FGD4: variants seen among roughly 807,000 people sequenced by gnomAD.
FGD4 encodes FYVE, RhoGEF and PH domain-containing protein 4.
Under a neutral mutation model 102.0 loss-of-function variants are expected in FGD4, and 42 were observed. The ratio of observed to expected loss-of-function variants is 0.41; its 90% CI spans 0.32 to 0.53. The LOEUF (loss-of-function observed/expected upper bound fraction) is 0.53. FGD4 is among the 20% of genes least tolerant of loss of function. The pLI, the probability that FGD4 is intolerant of heterozygous loss-of-function variation, is 0.21. For synonymous variants in FGD4, 380 were observed against 375.7 expected (o/e 1.01, Z -0.13); for missense variants, 902 against 1,078.2 (o/e 0.84, Z 2.29).
chr12:32,607,195 T>C (rs1459735523), intron 7 of FGD4, among the ~76,000 whole-genome samples: 1 of 152,240 alleles, frequency 6.6e-6, no homozygotes, highest in Non-Finnish European at 1.5e-5. Flanking sequence ...AAATTCTGCT[T>C]GATTTTTTTT....
At chr12:32,636,288 A>G (rs1826748108) in intron 15 of FGD4, among the ~76,000 whole-genome samples, 1 of 152,144 alleles carries the variant, frequency 6.6e-6, no homozygotes, top group South Asian at 2.1e-4. Context: ...CTATAATCCT[A>G]GCACCAAGGC....
chr12:32,604,107 C>G (rs1437935681), intron 7 of FGD4, among the ~76,000 whole-genome samples: 3 of 152,166 alleles, frequency 2.0e-5, no homozygotes, highest in Non-Finnish European at 4.4e-5. Flanking sequence ...TGATGAGTCA[C>G]TTTTCTCTTG....
At chr12:32,480,713 A>C (rs182655843) in intron 1 of FGD4, among the ~76,000 whole-genome samples, 2,463 of 149,596 alleles carry the variant, frequency 0.016, 24 homozygotes, top group Non-Finnish European at 0.02. Flanking sequence ...GTTGGCCAGG[A>C]TGCTCTTGCT....
At chr12:32,547,539 T>C (rs2136170370) in intron 1 of FGD4, among the ~76,000 whole-genome samples, 1 of 152,396 alleles carries the variant, frequency 6.6e-6, no homozygotes, top group African/African-American at 2.4e-5. Context: ...CATAGTATTC[T>C]TGAGTGGAGT....
intron 1 of FGD4, among the ~76,000 whole-genome samples, chr12:32,525,179 G>T (rs147911875): frequency 6.6e-6 from 1 of 152,264 alleles, no homozygotes; most frequent in Non-Finnish European, 1.5e-5. Context: ...CAGAATGAGG[G>T]TTTTGTGACC....
chr12:32,596,641 A>C (rs1947914910), intron 4 of FGD4, among the ~76,000 whole-genome samples: 1 of 152,026 alleles, frequency 6.6e-6, no homozygotes, highest in Non-Finnish European at 1.5e-5. Flanking sequence ...GTCCTGGAGA[A>C]GTACATGGAA....
In FGD4 at chr12:32,464,249, G is replaced by T. The variant is rs866811862; in HGVS notation, c.166+64290G>T. 2.5e-4 allele frequency among the ~76,000 whole-genome samples: 38 copies of T among 152,178 alleles called. No homozygotes were observed. The Middle Eastern group carries it at 0.014, about 54-fold the overall frequency. On this transcript the variant is annotated intron_variant, in intron 1 of 16. Coordinates refer to ENST00000534526, the MANE Select transcript of FGD4 (RefSeq NM_001370298.3). ...CTCGCTGCAACCTCCCTCTTCCTGG[G>T]TCAAGCAGTTCTCCTGCCTCAGCCT... is the stretch of plus-strand genomic sequence containing the variant.
intron 4 of FGD4, among the ~76,000 whole-genome samples, chr12:32,586,119 A>G (rs187355800): frequency 6.6e-6 from 1 of 152,168 alleles, no homozygotes; most frequent in Non-Finnish European, 1.5e-5. Context: ...ACAAGGCTAG[A>G]TTTAGAAGAG....
chr12:32,562,843 T>C (rs1367639625), intron 1 of FGD4, among the ~76,000 whole-genome samples: 8 of 152,356 alleles, frequency 5.3e-5, no homozygotes, highest in Admixed American at 1.3e-4. Flanking sequence ...ACCATCCGAC[T>C]TCTCAATCTT....
intron 1 of FGD4, among the ~76,000 whole-genome samples, chr12:32,460,778 A>T (rs898726382): frequency 1.3e-5 from 2 of 152,200 alleles, no homozygotes; most frequent in African/African-American, 4.8e-5. Context: ...TGTTAACAAT[A>T]ATCTTCTGAA....
chr12:32,637,282 C>T (rs943087703), intron 15 of FGD4, among the ~76,000 whole-genome samples: 13 of 151,898 alleles, frequency 8.6e-5, no homozygotes, highest in African/African-American at 2.9e-4. Flanking sequence ...AAGACATACC[C>T]AAGACTGGGT....
intron 2 of FGD4, among the ~76,000 whole-genome samples, chr12:32,570,662 A>G (rs942488607): frequency 3.9e-5 from 6 of 152,180 alleles, no homozygotes; most frequent in South Asian, 4.2e-4. Context: ...GCTGGTCTCG[A>G]ACTCCTGACC....
intron 7 of FGD4, 100 bp from the exon 8 acceptor site, chr12:32,607,857 C>T (rs1057207452): frequency 9.0e-6 from 12 of 1,338,944 alleles, no homozygotes; most frequent in Middle Eastern, 2.1e-4. Context: ...CACACTTTGT[C>T]GAAAAATATT....
intron 16 of FGD4, 56 bp downstream of exon 16, chr12:32,638,851 G>A (rs779109906): frequency 1.7e-5 from 28 of 1,612,062 alleles, no homozygotes; most frequent in African/African-American, 1.5e-4. Flanking sequence ...AAGGGGAAGC[G>A]AGTGGACAGC....
Position 32,427,417 on chromosome 12 carries a change from G to A in FGD4, c.166+27458G>A, listed in dbSNP as rs1941879255. ...TCCTGAGTTCTAATTTGATTGCGCT[G>A]TAGTCTGAAAGACTATTTGTTATGA... On this transcript the variant is annotated intron_variant, in intron 1 of 16. Transcript: ENST00000534526. 2.0e-5 allele frequency among the ~76,000 whole-genome samples: 3 copies of A among 152,212 alleles called. No homozygotes were observed. The South Asian group carries it at 6.2e-4, about 31-fold the overall frequency.
chr12:32,627,095 G>A (rs1377905363), intron 14 of FGD4, among the ~76,000 whole-genome samples: 4 of 151,422 alleles, frequency 2.6e-5, no homozygotes, highest in Admixed American at 6.6e-5. Context: ...TGATCCGCCC[G>A]CCTCGGCCTC....
intron 1 of FGD4, among the ~76,000 whole-genome samples, chr12:32,526,268 AC>A (rs1941188636): frequency 6.6e-6 from 1 of 151,736 alleles, no homozygotes; most frequent in Non-Finnish European, 1.5e-5. Context: ...TCTGGTGAGG[AC>A]GTGGAGAACC....
chr12:32,527,049 T>C (rs1392987189), intron 1 of FGD4, among the ~76,000 whole-genome samples: 3 of 152,182 alleles, frequency 2.0e-5, no homozygotes, highest in Non-Finnish European at 4.4e-5. Flanking sequence ...TATATTGATA[T>C]GTTTTGGAAG....
chr12:32,516,172 T>G (rs1406464236), intron 1 of FGD4, among the ~76,000 whole-genome samples: 1 of 152,214 alleles, frequency 6.6e-6, no homozygotes, highest in Admixed American at 6.5e-5. Context: ...TCCCTTTTGC[T>G]TTTTAGACAG....
Sources: gnomAD v4.1 joint callset for allele counts (sites outside exome capture counted in the v4.1 genomes callset) on GRCh38, gnomAD v4.1.1 for gene constraint, MANE v1.5 for transcripts, NCBI Gene and HGNC (gene_info 2026-07-23, HGNC 2026-07-21) for gene names.